The following MDGA2 variants were observed in gnomAD, a reference collection of about 807,000 sequenced individuals.
MDGA2 encodes MAM domain-containing glycosylphosphatidylinositol anchor protein 2.
MDGA2 carries 40 observed loss-of-function variants against 117.8 expected under a neutral mutation model. The ratio of observed to expected loss-of-function variants is 0.34; its 90% CI spans 0.26 to 0.44. The LOEUF (loss-of-function observed/expected upper bound fraction) is 0.44. Ranked by LOEUF, MDGA2 falls within the 20% of genes least tolerant of loss-of-function variation. MDGA2 has a pLI of 1.00. For synonymous variants in MDGA2, 452 were observed against 439.0 expected (o/e 1.03, Z -0.37); for missense variants, 1,123 against 1,250.6 (o/e 0.90, Z 1.54).
intron 1 of MDGA2, among the ~76,000 whole-genome samples, chr14:47,534,366 T>G (rs1195611855): frequency 6.6e-6 from 1 of 152,170 alleles, no homozygotes; most frequent in East Asian, 1.9e-4. Context: ...TATTAGTCCA[T>G]TCTCACACTG....
intron 3 of MDGA2, among the ~76,000 whole-genome samples, chr14:47,212,710 T>C (rs190251436): frequency 1.7e-3 from 255 of 152,326 alleles, no homozygotes; most frequent in African/African-American, 5.0e-3. Flanking sequence ...TTTGGTTAAA[T>C]CAAGTGTTGC....
chr14:47,294,980 A>G (rs1048673829), intron 2 of MDGA2, among the ~76,000 whole-genome samples: 7 of 152,218 alleles, frequency 4.6e-5, no homozygotes, highest in Admixed American at 4.6e-4. Flanking sequence ...TTCTATTATA[A>G]AATTGAAAAA....
Position 47,129,422 on chromosome 14 carries a change from C to T in MDGA2, c.925+2292G>A, listed in dbSNP as rs545900444. Among the ~76,000 whole-genome samples the T allele has an allele frequency of 4.6e-5, 7 of 152,188 alleles. No individual in the cohort carries two copies. The East Asian group carries it at 1.4e-3, about 29-fold the overall frequency. ...CATGTCCCCACAAAGGACATGAACTCATCCTTTTTTATGGCTGCATAGTAT... is the reference window on the plus strand; with the variant it reads ...CATGTCCCCACAAAGGACATGAACTTATCCTTTTTTATGGCTGCATAGTAT... On this transcript the variant is annotated intron_variant, in intron 5 of 16. Coordinates refer to ENST00000399232, the MANE Select transcript of MDGA2 (RefSeq NM_001113498.3).
chr14:47,330,765 A>C (rs2416047), intron 1 of MDGA2, among the ~76,000 whole-genome samples: 147,047 of 151,944 alleles, frequency 0.97, 71,336 homozygotes, highest in East Asian at 1. Flanking sequence ...TAAGCAAATG[A>C]TTTAACCACA....
At chr14:47,143,544 AT>A (rs1882813093) in intron 4 of MDGA2, among the ~76,000 whole-genome samples, 1 of 152,146 alleles carries the variant, frequency 6.6e-6, no homozygotes, top group Non-Finnish European at 1.5e-5. Flanking sequence ...TATTAAATAC[AT>A]TTTTAATGAC....
intron 10 of MDGA2, among the ~76,000 whole-genome samples, chr14:46,908,940 C>G (rs2138473972): frequency 6.6e-6 from 1 of 152,230 alleles, no homozygotes; most frequent in East Asian, 1.9e-4. Context: ...TAAAGATCAG[C>G]TTCTGCTACC....
intron 3 of MDGA2, among the ~76,000 whole-genome samples, chr14:47,173,980 A>T (rs1884311489): frequency 6.6e-6 from 1 of 152,256 alleles, no homozygotes; most frequent in Non-Finnish European, 1.5e-5. Flanking sequence ...AAAACAAAAA[A>T]AGGCATGGGT....
intron 6 of MDGA2, among the ~76,000 whole-genome samples, chr14:47,090,089 G>A (rs1436130323): frequency 5.9e-5 from 9 of 151,990 alleles, no homozygotes; most frequent in African/African-American, 1.9e-4. Context: ...AATATTAGCA[G>A]TGCTAATATT....
chr14:47,611,448 C>T (rs995815377), intron 1 of MDGA2, among the ~76,000 whole-genome samples: 3 of 151,836 alleles, frequency 2.0e-5, no homozygotes, highest in African/African-American at 7.3e-5. Flanking sequence ...AAAATCTTCA[C>T]TATATATATA....
intron 1 of MDGA2, among the ~76,000 whole-genome samples, chr14:47,356,193 C>T (rs773684560): frequency 1.1e-4 from 17 of 152,304 alleles, no homozygotes; most frequent in South Asian, 2.1e-4. Flanking sequence ...CACTTGTGAA[C>T]CTGTCAGAGA....
At chr14:47,162,031 C>T (rs1401017680) in intron 3 of MDGA2, among the ~76,000 whole-genome samples, 1 of 142,470 alleles carries the variant, frequency 7.0e-6, no homozygotes, top group African/African-American at 2.6e-5. Flanking sequence ...CTGCAACCTC[C>T]ACCTCCCGGA....
At chr14:47,393,046 G>C (rs1024270554) in intron 1 of MDGA2, among the ~76,000 whole-genome samples, 5 of 151,372 alleles carry the variant, frequency 3.3e-5, no homozygotes, top group Admixed American at 1.3e-4. Context: ...TAAAGTGTTT[G>C]TTAGATGAAC....
At chr14:47,523,939 C>A (rs1468539415) in intron 1 of MDGA2, among the ~76,000 whole-genome samples, 2 of 152,086 alleles carry the variant, frequency 1.3e-5, no homozygotes, top group African/African-American at 4.8e-5. Context: ...CTCCAAAAAC[C>A]ATCTTCAGGC....
chr14:47,254,158 C>T (rs1277313785), intron 2 of MDGA2, among the ~76,000 whole-genome samples: 5 of 152,196 alleles, frequency 3.3e-5, no homozygotes, highest in African/African-American at 1.2e-4. Flanking sequence ...ATGAAGGTCT[C>T]TGACATGCCC....
chr14:47,550,417 T>G (rs1895558349), intron 1 of MDGA2, among the ~76,000 whole-genome samples: 2 of 152,194 alleles, frequency 1.3e-5, no homozygotes, highest in Non-Finnish European at 1.5e-5. Context: ...ATTCCTTCAC[T>G]TATTTCGGAA....
At chr14:47,538,778 T>C (rs895529361) in intron 1 of MDGA2, among the ~76,000 whole-genome samples, 2 of 152,190 alleles carry the variant, frequency 1.3e-5, no homozygotes, top group African/African-American at 4.8e-5. Flanking sequence ...CCTATGTGAT[T>C]AGCATAGCAA....
At chr14:47,238,036 G>C (rs1180693152) in intron 2 of MDGA2, among the ~76,000 whole-genome samples, 1 of 152,024 alleles carries the variant, frequency 6.6e-6, no homozygotes, top group African/African-American at 2.4e-5. Context: ...CTGAACTCAA[G>C]GCAAACCTAC....
At chr14:47,133,144 C>T (rs536557444) in intron 4 of MDGA2, among the ~76,000 whole-genome samples, 1 of 151,304 alleles carries the variant, frequency 6.6e-6, no homozygotes, top group Non-Finnish European at 1.5e-5. Flanking sequence ...AAAAAACTAC[C>T]TTTCAATTTT....
chr14:46,977,365 G>A (rs1886503463), intron 8 of MDGA2, among the ~76,000 whole-genome samples: 1 of 150,820 alleles, frequency 6.6e-6, no homozygotes, highest in African/African-American at 2.4e-5. Context: ...CCTGTCACAA[G>A]GACTGACAAA....
Sources: allele counts gnomAD v4.1 joint callset (sites outside exome capture counted in the v4.1 genomes callset), GRCh38; gene constraint gnomAD v4.1.1; transcripts MANE v1.5; gene names NCBI Gene and HGNC (gene_info 2026-07-23, HGNC 2026-07-21).